The following RIPK1 variants were observed in gnomAD, a reference collection of about 807,000 sequenced individuals.
RIPK1 encodes receptor interacting serine/threonine kinase 1, also known as receptor-interacting serine/threonine-protein kinase 1.
Under a neutral mutation model 62.4 loss-of-function variants are expected in RIPK1, and 27 were observed. The ratio of observed to expected loss-of-function variants is 0.43; its 90% CI spans 0.32 to 0.60. RIPK1 has a LOEUF of 0.60. Ranked by LOEUF, RIPK1 falls within the 20% of genes least tolerant of loss-of-function variation. The pLI, the probability that RIPK1 is intolerant of heterozygous loss-of-function variation, is 0.07. For synonymous variants in RIPK1, 287 were observed against 303.2 expected, an observed-to-expected ratio of 0.95 and a Z score of 0.55; for missense variants, 735 against 831.0, an observed-to-expected ratio of 0.88 and a Z score of 1.42.
At chr6:3,078,214 A>G (rs1192882498) in intron 3 of RIPK1, among the ~76,000 whole-genome samples, 1 of 152,118 alleles carries the variant, frequency 6.6e-6, no homozygotes, top group Non-Finnish European at 1.5e-5. Context: ...TAAAACATCT[A>G]TGCCTTGATT....
rs1398847083 is a variant in RIPK1, at chr6:3,083,050, AC to A, written c.460-33del. On this transcript the variant is annotated intron_variant, in intron 4 of 10. Coordinates refer to ENST00000259808, the MANE Select transcript of RIPK1 (RefSeq NM_001354930.2). ...CAGATCTGATTTGCTTACGGCCTTC[AC>A]CAAACAATCCCAGTGGCTCAATGTC... is the stretch of plus-strand genomic sequence containing the variant. 10 of 1,603,182 alleles carry A rather than the reference AC, an allele frequency of 6.2e-6. No homozygotes were observed. The African/African-American group carries it at 1.2e-4, about 19-fold the overall frequency.
At position 3,090,015 on chromosome 6, in the gene RIPK1, C is replaced by G. The variant is rs936395771; in HGVS notation, c.915+358C>G. Among the ~76,000 whole-genome samples, 188 of 152,254 alleles carry G rather than the reference C, an allele frequency of 1.2e-3. 2 individuals carry two copies. Among genetic ancestry groups the G allele is most frequent in the Non-Finnish European group, 1.5e-3 (100 of 68,016 alleles). On this transcript the variant is annotated intron_variant, in intron 7 of 10. Coordinates refer to ENST00000259808, the MANE Select transcript of RIPK1 (RefSeq NM_001354930.2). ...CATATAACAGACAAGGAATACTAGC[C>G]CAAGACATAATGCTGAGGAAGAAGT...
At chr6:3,065,597 C>G (rs1440071085), upstream of RIPK1, among the ~76,000 whole-genome samples, 2 of 151,720 alleles carry the variant, frequency 1.3e-5, no homozygotes, top group South Asian at 2.1e-4. Context: ...CTGGAGGAGT[C>G]AGGGTCTCAT....
intron 5 of RIPK1, among the ~76,000 whole-genome samples, chr6:3,085,008 C>T (rs1759614381): frequency 2.0e-5 from 3 of 152,174 alleles, no homozygotes; most frequent in African/African-American, 7.2e-5. Flanking sequence ...TGCCATTGGC[C>T]TTGCCCACAT....
chr6:3,096,331 A>G (rs756033143), intron 7 of RIPK1, among the ~76,000 whole-genome samples: 7 of 152,176 alleles, frequency 4.6e-5, no homozygotes, highest in Non-Finnish European at 8.8e-5. Flanking sequence ...TATCTTTTAA[A>G]TTAATAATAG....
rs2113725880 is a variant in RIPK1, at chr6:3,113,044, A to G, written c.1730-9A>G. ...AGCTTGATACCTTCTTCTTTTTCCC[A>G]TTTGGCAGATAATACCACTAGTCTG... On this transcript the variant is annotated splice_polypyrimidine_tract_variant and intron_variant, in intron 10 of 10. Transcript: ENST00000259808. The surrounding 1 kb of genome is among the most constrained non-coding windows in gnomAD (Gnocchi z 5.0). 1.3e-6 allele frequency: 2 copies of G among 1,520,366 alleles called. No individual in the cohort carries two copies. The highest frequency in any genetic ancestry group is 2.2e-5 in the Admixed American group (1 of 45,724). 94.2% of individuals were successfully genotyped at this position (1,520,366 alleles called of 1,614,324 possible).
chr6:3,110,915 C>T lies in RIPK1; in HGVS notation c.1689C>T (p.Asn563=), dbSNP rs1215651288. 1 of 1,613,326 alleles carries T rather than the reference C, an allele frequency of 6.2e-7. No individual in the cohort carries two copies. Among genetic ancestry groups the T allele is most frequent in the East Asian group, 2.2e-5 (1 of 44,832 alleles). Residue 563 remains asparagine, a synonymous_variant, in exon 10 of 11, where the codon AAC becomes AAT. Transcript: ENST00000259808. ...CACTACTAGACAGCACAAATACGAACTTCAAAGAAGAGCCAGCTGCTAAGT... is the reference window on the plus strand; with the variant it reads ...CACTACTAGACAGCACAAATACGAATTTCAAAGAAGAGCCAGCTGCTAAGT... The part of the protein sequence containing the change: ...SSSLLDSTNT[N]FKEEPAAKYQ...
In RIPK1 at chr6:3,068,515, C is replaced by A. The variant is rs1281490960; in HGVS notation, c.-207C>A. 1.0e-5 allele frequency: 10 copies of A among 985,156 alleles called. No homozygotes were observed. The highest frequency in any genetic ancestry group is 1.7e-5 in the African/African-American group (1 of 57,228). The allele number at this position is 985,156 out of a possible 1,614,324, so 61.0% of individuals were successfully genotyped here. A position where few individuals can be genotyped will look rare whatever the true frequency, so the allele number is the denominator to read the frequency against. On this transcript the variant is annotated 5_prime_UTR_variant, in exon 1 of 11. Coordinates refer to ENST00000259808, the MANE Select transcript of RIPK1 (RefSeq NM_001354930.2). ...GAACAGTCCACGCCCTCCAGCCGGG[C>A]GCGCTCGACGCGGACGGCGGGCCAG...
chr6:3,089,502 C>A (rs966467616), intron 6 of RIPK1, 79 bp from the exon 7 acceptor site: 2 of 759,256 alleles, frequency 2.6e-6, no homozygotes, highest in African/African-American at 1.8e-5. Context: ...GTAAGTAATT[C>A]AAAGATAATA....
At chr6:3,071,662 CAAAAGAAA>C in intron 1 of RIPK1, among the ~76,000 whole-genome samples, 1 of 152,054 alleles carries the variant, frequency 6.6e-6, no homozygotes, top group African/African-American at 2.4e-5. Context: ...ATAGGAAAAA[CAAAAGAAA>C]TCACTGAACA....
chr6:3,105,871 A>G lies in RIPK1; in HGVS notation c.1396A>G (p.Asn466Asp), dbSNP rs746977143. 3.7e-6 allele frequency: 6 copies of G among 1,614,214 alleles called. No homozygotes were observed. In the South Asian group the frequency reaches 5.5e-5, roughly 15 times the overall value. The change falls in exon 9 of 11, where the codon AAT becomes GAT. Residue 466 changes from asparagine (N) to aspartate (D), a missense_variant. Physicochemically the swap from Asn to Asp is conservative, Grantham distance 23. Around this residue, in one of 2 missense-constraint regions of RIPK1, gnomAD observed 671 missense variants for 726.2 expected, o/e 0.92. Transcript: ENST00000259808. The surrounding 1 kb of genome is among the most constrained non-coding windows in gnomAD (Gnocchi z 4.5). Reference protein sequence around the residue: ...TSQPQVLYQNNGLYSSHGFGT... With the variant: ...TSQPQVLYQNDGLYSSHGFGT... ...CCAACCTCAAGTACTGTATCAGAACAATGGATTATATAGCTCACATGGCTT... is the reference window on the plus strand; with the variant it reads ...CCAACCTCAAGTACTGTATCAGAACGATGGATTATATAGCTCACATGGCTT...
chr6:3,106,016 C>T lies in RIPK1; in HGVS notation c.1541C>T (p.Thr514Ile), dbSNP rs372833650. ...PVPETNYLGN[T>I]PTMPFSSLPP... Reference sequence around the variant, plus strand: ...CCTGAGACCAACTATCTAGGAAATACACCCACCATGCCATTCAGCTCCTTG... The same window carrying T: ...CCTGAGACCAACTATCTAGGAAATATACCCACCATGCCATTCAGCTCCTTG... Residue 514 changes from threonine to isoleucine, a missense_variant, in exon 9 of 11, where the codon ACA becomes ATA. Physicochemically the swap from Thr to Ile is moderately conservative, Grantham distance 89. Transcript: ENST00000259808. The T allele has an allele frequency of 6.8e-6, 11 of 1,611,882 alleles. No individual in the cohort carries two copies. The highest frequency in any genetic ancestry group is 1.6e-4 in the Middle Eastern group (1 of 6,082).
upstream of RIPK1, among the ~76,000 whole-genome samples, chr6:3,065,229 C>T (rs889834200): frequency 3.5e-5 from 5 of 141,286 alleles, no homozygotes; most frequent in African/African-American, 1.4e-4. Flanking sequence ...TGCACTCCAG[C>T]ACTCCAGCCT....
At chr6:3,102,495 G>A (rs1760630921) in intron 7 of RIPK1, among the ~76,000 whole-genome samples, 1 of 152,158 alleles carries the variant, frequency 6.6e-6, no homozygotes. Context: ...CAAGCATTTT[G>A]GATAAGGGAT....
intron 7 of RIPK1, among the ~76,000 whole-genome samples, chr6:3,094,811 C>T (rs1326669588): frequency 1.3e-5 from 2 of 151,996 alleles, no homozygotes; most frequent in African/African-American, 4.8e-5. Context: ...GAGGTAATCC[C>T]AGTTACTTGG....
At chr6:3,077,402 G>C (rs1049671862) in intron 2 of RIPK1, among the ~76,000 whole-genome samples, 2 of 151,616 alleles carry the variant, frequency 1.3e-5, no homozygotes, top group African/African-American at 4.8e-5. Context: ...AAAGCAACCA[G>C]TAGAGTGGTT....
intron 9 of RIPK1, among the ~76,000 whole-genome samples, chr6:3,109,321 G>A (rs1395152138): frequency 1.3e-5 from 2 of 152,130 alleles, no homozygotes; most frequent in Non-Finnish European, 2.9e-5. Context: ...GAAGCACGTG[G>A]GGAGGTCAGC....
chr6:3,094,078 C>T (rs113484122), intron 7 of RIPK1, among the ~76,000 whole-genome samples: 3 of 118,126 alleles, frequency 2.5e-5, no homozygotes, highest in African/African-American at 1.2e-4. Context: ...GTAACTGCAG[C>T]GCGCCTACCT....
At chr6:3,102,329 G>A (rs944149363) in intron 7 of RIPK1, among the ~76,000 whole-genome samples, 13 of 152,190 alleles carry the variant, frequency 8.5e-5, no homozygotes, top group Middle Eastern at 6.8e-3. Context: ...ATTAAAATAT[G>A]GTATAAAGTG....
Sources: gnomAD v4.1 joint callset for allele counts (sites outside exome capture counted in the v4.1 genomes callset) on GRCh38, gnomAD v4.1.1 for gene constraint, gnomAD v4.1.1 regional missense constraint, Gnocchi (gnomAD v3.1) non-coding constraint, MANE v1.5 for transcripts, NCBI Gene and HGNC (gene_info 2026-07-23, HGNC 2026-07-21) for gene names.